Variants in CMC1 observed in about 807,000 individuals in gnomAD.
The protein encoded by CMC1 is C-X9-C motif containing 1.
A neutral mutation model predicts 14.1 loss-of-function variants in CMC1; 14 were observed. That is an observed-to-expected ratio of 0.99 (90% CI 0.66 to 1.55). The LOEUF is 1.55. Among genes scored for constraint, CMC1 ranks in the 40% most tolerant of loss-of-function variants. The probability of loss-of-function intolerance (pLI) is 0.00; values close to 1 mark genes in which losing one functional copy is unlikely to be tolerated. For synonymous variants in CMC1, 50 were observed against 38.4 expected, an observed-to-expected ratio of 1.30 and a Z score of -1.12; for missense variants, 127 against 123.8, an observed-to-expected ratio of 1.03 and a Z score of -0.12.
At chr3:28,289,822 A>G (rs1701377088) in intron 2 of CMC1, among the ~76,000 whole-genome samples, 1 of 152,158 alleles carries the variant, frequency 6.6e-6, no homozygotes, top group African/African-American at 2.4e-5. Flanking sequence ...AGAAAATATA[A>G]AATGCATTCC....
intron 2 of CMC1, among the ~76,000 whole-genome samples, chr3:28,305,990 G>A (rs1702287406): frequency 6.6e-6 from 1 of 151,526 alleles, no homozygotes; most frequent in South Asian, 2.1e-4. Flanking sequence ...AAAATCAGTT[G>A]GTTGTAGGTA....
chr3:28,302,777 T>A (rs1702119165), intron 2 of CMC1, among the ~76,000 whole-genome samples: 1 of 152,208 alleles, frequency 6.6e-6, no homozygotes, highest in Admixed American at 6.5e-5. Flanking sequence ...TACCTTATTC[T>A]TTCCTGTGGT....
intron 2 of CMC1, among the ~76,000 whole-genome samples, chr3:28,295,162 C>T (rs1479172224): frequency 6.6e-6 from 1 of 152,078 alleles, no homozygotes; most frequent in Non-Finnish European, 1.5e-5. Context: ...TCTTTTGTCT[C>T]CTTAGCCTTT....
At chr3:28,294,977 T>C (rs898598455) in intron 2 of CMC1, among the ~76,000 whole-genome samples, 2 of 116,752 alleles carry the variant, frequency 1.7e-5, no homozygotes, top group Admixed American at 1.8e-4. Context: ...CTGATCATTA[T>C]TGTTATTTTT....
At chr3:28,319,131 C>A in intron 3 of CMC1, 1 of 398,588 alleles carries the variant, frequency 2.5e-6, no homozygotes, top group Admixed American at 3.0e-5. Context: ...CAAAATACAA[C>A]GCAAGCATTT....
chr3:28,252,358 A>G (rs1005670720), intron 1 of CMC1, among the ~76,000 whole-genome samples: 1 of 152,228 alleles, frequency 6.6e-6, no homozygotes, highest in African/African-American at 2.4e-5. Context: ...AAATAGGCAC[A>G]TCTACCTCAC....
At chr3:28,286,265 A>G (rs1701175545) in intron 2 of CMC1, among the ~76,000 whole-genome samples, 1 of 152,136 alleles carries the variant, frequency 6.6e-6, no homozygotes, top group Admixed American at 6.5e-5. Context: ...ACTTCTTTCT[A>G]ATGAAATAGC....
intron 1 of CMC1, among the ~76,000 whole-genome samples, chr3:28,258,331 T>C (rs1699532527): frequency 6.6e-6 from 1 of 151,576 alleles, no homozygotes; most frequent in Non-Finnish European, 1.5e-5. Flanking sequence ...ATTTGTATAA[T>C]TTATTTTTAC....
At chr3:28,286,340 T>C (rs1701178844) in intron 2 of CMC1, among the ~76,000 whole-genome samples, 1 of 152,244 alleles carries the variant, frequency 6.6e-6, no homozygotes, top group Non-Finnish European at 1.5e-5. Flanking sequence ...TTGTTTTTCC[T>C]GTAGTGTTTT....
intron 2 of CMC1, among the ~76,000 whole-genome samples, chr3:28,307,349 C>A (rs1347085219): frequency 2.6e-5 from 4 of 152,082 alleles, no homozygotes; most frequent in Non-Finnish European, 5.9e-5. Flanking sequence ...TATAGCAAGA[C>A]CTTGTCTCTA....
intron 2 of CMC1, among the ~76,000 whole-genome samples, chr3:28,309,870 G>C (rs1163362221): frequency 1.1e-5 from 1 of 87,966 alleles, no homozygotes; most frequent in Admixed American, 1.3e-4. Flanking sequence ...CAAGCTAATT[G>C]CAAATATACA....
intron 2 of CMC1, among the ~76,000 whole-genome samples, chr3:28,297,608 C>T (rs1179249563): frequency 1.3e-5 from 2 of 152,062 alleles, no homozygotes; most frequent in Non-Finnish European, 2.9e-5. Context: ...ATGACACAGA[C>T]CATCAGCCTT....
chr3:28,296,319 A>T (rs1701738481), intron 2 of CMC1, among the ~76,000 whole-genome samples: 1 of 152,090 alleles, frequency 6.6e-6, no homozygotes, highest in South Asian at 2.1e-4. Flanking sequence ...TTAAAAAAAT[A>T]TGATTCTTTA....
At position 28,241,792 on chromosome 3, in the gene CMC1, A is replaced by T. The variant is rs1698530404; in HGVS notation, c.-2A>T. 13 of 1,240,664 alleles carry T rather than the reference A, an allele frequency of 1.0e-5. No homozygotes were observed. The South Asian group carries it at 4.9e-4, about 47-fold the overall frequency. 76.9% of individuals were successfully genotyped at this position (1,240,664 alleles called of 1,614,324 possible). On this transcript the variant is annotated 5_prime_UTR_variant, in exon 1 of 4. Coordinates refer to ENST00000466830, the MANE Select transcript of CMC1 (RefSeq NM_182523.2). ...CGGCTACGTTCTTCTCGGCCCGCCG[A>T]GATGGCGCTCGACCCCGCAGGTACC...
chr3:28,265,626 T>TA (rs781434832), intron 2 of CMC1, among the ~76,000 whole-genome samples: 19 of 152,290 alleles, frequency 1.2e-4, no homozygotes, highest in East Asian at 3.9e-4. Context: ...ATTTTTTTTT[T>TA]AATGTCATTT....
chr3:28,295,002 A>G (rs1701667885), intron 2 of CMC1, among the ~76,000 whole-genome samples: 2 of 152,160 alleles, frequency 1.3e-5, no homozygotes, highest in African/African-American at 4.8e-5. Flanking sequence ...AAACAAAACA[A>G]AACAATCTGT....
At chr3:28,290,316 G>T (rs1701406220) in intron 2 of CMC1, among the ~76,000 whole-genome samples, 1 of 152,006 alleles carries the variant, frequency 6.6e-6, no homozygotes, top group South Asian at 2.1e-4. Context: ...TAGAATCCTT[G>T]ATATCTTTCA....
At chr3:28,252,192 AG>A (rs1410494851) in intron 1 of CMC1, among the ~76,000 whole-genome samples, 4 of 152,210 alleles carry the variant, frequency 2.6e-5, no homozygotes, top group African/African-American at 9.7e-5. Context: ...AGCAATCTGC[AG>A]AATCTGAGGT....
chr3:28,242,437 A>G (rs1364726328), intron 1 of CMC1, among the ~76,000 whole-genome samples: 1 of 152,172 alleles, frequency 6.6e-6, no homozygotes, highest in Non-Finnish European at 1.5e-5. Flanking sequence ...GGAATAGATA[A>G]CATTTTTGGA....
Sources: allele counts gnomAD v4.1 joint callset (sites outside exome capture counted in the v4.1 genomes callset), GRCh38; gene constraint gnomAD v4.1.1; transcripts MANE v1.5; gene names NCBI Gene and HGNC (gene_info 2026-07-23, HGNC 2026-07-21).